The following DDX10 variants were observed in gnomAD, a reference collection of about 807,000 sequenced individuals.
The protein encoded by DDX10 is DEAD-box helicase 10.
A neutral mutation model predicts 104.3 loss-of-function variants in DDX10; 74 were observed. The observed-to-expected ratio is 0.71, with a 90% confidence interval of 0.59 to 0.86. The LOEUF (loss-of-function observed/expected upper bound fraction) is 0.86, where lower values mean the gene tolerates loss of function less well. Among genes scored for constraint, DDX10 ranks in the 40% least tolerant of loss-of-function variants. The pLI, the probability that DDX10 is intolerant of heterozygous loss-of-function variation, is 0.00. For missense variants in DDX10, 952 were observed against 1,040.0 expected (o/e 0.92, Z 1.16); for synonymous variants, 351 against 353.4 (o/e 0.99, Z 0.08).
At chr11:108,690,013 T>C (rs10749924) in intron 7 of DDX10, among the ~76,000 whole-genome samples, 101,270 of 151,622 alleles carry the variant, frequency 0.67, 35,610 homozygotes, top group South Asian at 0.78. Flanking sequence ...TCTAGAAGTT[T>C]AAGACCAGCT....
At chr11:108,722,837 T>A (rs536888579) in intron 12 of DDX10, among the ~76,000 whole-genome samples, 160 bp from the exon 13 acceptor site, 1 of 152,208 alleles carries the variant, frequency 6.6e-6, no homozygotes, top group Non-Finnish European at 1.5e-5. Flanking sequence ...TTTGCCTTAC[T>A]TTTTGGATCA....
At chr11:108,727,623 A>G (rs947158801) in intron 13 of DDX10, 5 of 152,658 alleles carry the variant, frequency 3.3e-5, no homozygotes, top group African/African-American at 1.2e-4. Context: ...TTTATTTTCT[A>G]TTTTAGAAAT....
chr11:108,729,246 T>C (rs967010874), intron 13 of DDX10, among the ~76,000 whole-genome samples: 2 of 152,150 alleles, frequency 1.3e-5, no homozygotes, highest in African/African-American at 4.8e-5. Context: ...CCAGTGACAC[T>C]ACGTAATACC....
intron 16 of DDX10, among the ~76,000 whole-genome samples, chr11:108,897,511 C>T (rs1026326754): frequency 6.6e-6 from 1 of 152,062 alleles, no homozygotes; most frequent in Non-Finnish European, 1.5e-5. Context: ...TTTACGTCTC[C>T]AAGGGACTAG....
chr11:108,666,618 G>T (rs1251382021), intron 1 of DDX10, among the ~76,000 whole-genome samples: 3 of 152,180 alleles, frequency 2.0e-5, no homozygotes, highest in African/African-American at 7.2e-5. Flanking sequence ...GGTTCTAGGG[G>T]AGAATCTGTT....
Position 108,838,459 on chromosome 11 carries a change from C to T in DDX10, c.1979C>T (p.Ser660Phe), listed in dbSNP as rs138955971. The T allele has an allele frequency of 3.7e-4, 596 of 1,610,834 alleles. No homozygotes were observed. The Middle Eastern group carries it at 9.9e-3, about 27-fold the overall frequency. The stretch of plus-strand genomic sequence containing the variant: ...GTTCTCACACAGAAGAAAGAACCTT[C>T]TAAATCCAGCATCAAGAAAAAAATG... ...DEKTLQKKEPSKSSIKKKMTK... is the reference protein window; with the variant it reads ...DEKTLQKKEPFKSSIKKKMTK... Residue 660 changes from serine (S) to phenylalanine (F), a missense_variant, in exon 14 of 18, where the codon TCT (serine) becomes TTT (phenylalanine). This residue lies in a region of DDX10 where 533 missense variants were observed against 534.1 expected (regional missense o/e 1.00). Coordinates refer to ENST00000322536, the MANE Select transcript of DDX10 (RefSeq NM_004398.4).
At chr11:108,763,249 A>G (rs894922831) in intron 13 of DDX10, among the ~76,000 whole-genome samples, 5 of 152,212 alleles carry the variant, frequency 3.3e-5, no homozygotes, top group African/African-American at 1.2e-4. Context: ...TGAGAAGTTG[A>G]TTGCTCCTCT....
intron 13 of DDX10, among the ~76,000 whole-genome samples, chr11:108,801,073 A>T (rs1392400193): frequency 2.0e-5 from 3 of 152,238 alleles, no homozygotes; most frequent in Middle Eastern, 3.2e-3. Flanking sequence ...AGACGAGGAT[A>T]GTGCATCTTG....
intron 9 of DDX10, among the ~76,000 whole-genome samples, chr11:108,702,263 C>CA: frequency 6.6e-6 from 1 of 152,164 alleles, no homozygotes; most frequent in Non-Finnish European, 1.5e-5. Flanking sequence ...ACAATAATGA[C>CA]AAAACAATTA....
Position 108,692,007 on chromosome 11 carries a change from C to G in DDX10, c.1107C>G (p.Leu369=). 2 of 1,612,586 alleles carry G rather than the reference C, an allele frequency of 1.2e-6. No homozygotes were observed. Among genetic ancestry groups the G allele is most frequent in the Non-Finnish European group, 1.7e-6 (2 of 1,179,360 alleles). ...NEFVRKRAAV[L]FATDIAARGL... The stretch of plus-strand genomic sequence containing the variant: ...TTGTCCGTAAGAGAGCTGCAGTACT[C>G]TTTGCTACTGATATTGCAGCCAGGG... The change falls in exon 8 of 18, where the codon CTC becomes CTG. Residue 369 remains leucine, a synonymous_variant. Transcript: ENST00000322536.
At chr11:108,842,809 A>G (rs1347305324) in intron 15 of DDX10, among the ~76,000 whole-genome samples, 13 of 152,202 alleles carry the variant, frequency 8.5e-5, no homozygotes, top group South Asian at 2.1e-4. Context: ...CTTGCAATCT[A>G]CTTAGAGTAT....
chr11:108,799,917 T>G (rs1861995461), intron 13 of DDX10, among the ~76,000 whole-genome samples: 1 of 152,086 alleles, frequency 6.6e-6, no homozygotes. Flanking sequence ...CATTTCCCTT[T>G]TTTTGTTGTT....
At chr11:108,876,044 G>A (rs1863150198) in intron 16 of DDX10, among the ~76,000 whole-genome samples, 1 of 152,184 alleles carries the variant, frequency 6.6e-6, no homozygotes, top group Non-Finnish European at 1.5e-5. Context: ...AGAATGTTAG[G>A]TTGAATCTTT....
chr11:108,828,705 A>C lies in DDX10; in HGVS notation c.1966-9741A>C, dbSNP rs192326105. 4.2e-4 allele frequency among the ~76,000 whole-genome samples: 64 copies of C among 152,264 alleles called. No homozygotes were observed. In the East Asian group the frequency reaches 9.7e-3, roughly 23 times the overall value. ...AGTGGCACAATCCTGGCTCACTGCA[A>C]CCTCTGCCTCTGGGCTCAAGCAATT... On this transcript the variant is annotated intron_variant, in intron 13 of 17. Transcript: ENST00000322536.
chr11:108,665,621 C>A (rs2094209143), intron 1 of DDX10, among the ~76,000 whole-genome samples: 1 of 152,034 alleles, frequency 6.6e-6, no homozygotes, highest in Non-Finnish European at 1.5e-5. Flanking sequence ...ATACTGATGA[C>A]AATAGTGGTA....
At chr11:108,880,206 A>G (rs1018070503) in intron 16 of DDX10, among the ~76,000 whole-genome samples, 3 of 152,200 alleles carry the variant, frequency 2.0e-5, no homozygotes, top group African/African-American at 7.2e-5. Flanking sequence ...CTGTGTTCTG[A>G]CATGGCCTTT....
chr11:108,805,781 T>C (rs1862089888), intron 13 of DDX10, among the ~76,000 whole-genome samples: 1 of 152,172 alleles, frequency 6.6e-6, no homozygotes, highest in African/African-American at 2.4e-5. Flanking sequence ...AATTGATAGA[T>C]GCTTTAATTT....
At chr11:108,812,331 A>G (rs1185841653) in intron 13 of DDX10, among the ~76,000 whole-genome samples, 1 of 152,184 alleles carries the variant, frequency 6.6e-6, no homozygotes, top group Non-Finnish European at 1.5e-5. Context: ...GAATCTTGCT[A>G]CAATTGATAT....
At chr11:108,765,423 A>C (rs749746887) in intron 13 of DDX10, among the ~76,000 whole-genome samples, 1 of 152,212 alleles carries the variant, frequency 6.6e-6, no homozygotes, top group Non-Finnish European at 1.5e-5. Context: ...CAGCTCTTTC[A>C]GAAACATTAC....
Sources: gnomAD v4.1 joint callset for allele counts (sites outside exome capture counted in the v4.1 genomes callset) on GRCh38, gnomAD v4.1.1 for gene constraint, gnomAD v4.1.1 regional missense constraint, MANE v1.5 for transcripts, NCBI Gene and HGNC (gene_info 2026-07-23, HGNC 2026-07-21) for gene names.